The following PTPRD variants were observed in gnomAD, a reference collection of about 807,000 sequenced individuals.
The protein encoded by PTPRD is protein tyrosine phosphatase receptor type D.
In PTPRD, 34 loss-of-function variants were observed where a neutral mutation model predicts 214.5. The observed-to-expected ratio is 0.16, with a 90% CI of 0.12 to 0.21. PTPRD has a LOEUF of 0.21. PTPRD is among the 10% of genes least tolerant of loss of function. The probability of loss-of-function intolerance (pLI) is 1.00; values close to 1 mark genes in which losing one functional copy is unlikely to be tolerated. For synonymous variants in PTPRD, 1,128 were observed against 845.7 expected (o/e 1.33, Z -5.79); for missense variants, 2,545 against 2,398.7 (o/e 1.06, Z -1.27).
intron 9 of PTPRD, among the ~76,000 whole-genome samples, chr9:9,273,203 T>G (rs747460579): frequency 1.3e-5 from 2 of 151,432 alleles, no homozygotes; most frequent in Non-Finnish European, 3.0e-5. Context: ...GATTTCCAAG[T>G]TGCTAGTAAA....
Position 9,185,715 on chromosome 9 carries a change from G to A in PTPRD, c.-202-2352C>T, listed in dbSNP as rs1042723447. ...GATGATTGCTGAATGGCACCTTCAG[G>A]CTAGATTTTATGGTTGCTTTAATAA... On this transcript the variant is annotated intron_variant, in intron 9 of 45. Coordinates refer to ENST00000381196, the MANE Select transcript of PTPRD (RefSeq NM_002839.4). Among the ~76,000 whole-genome samples, 3 of 151,946 alleles carry A rather than the reference G, an allele frequency of 2.0e-5. No individual in the cohort carries two copies. In the South Asian group the frequency reaches 6.2e-4, roughly 31 times the overall value.
chr9:9,514,060 C>A (rs1367467938), intron 8 of PTPRD, among the ~76,000 whole-genome samples: 1 of 151,970 alleles, frequency 6.6e-6, no homozygotes, highest in Non-Finnish European at 1.5e-5. Flanking sequence ...TGCTAAGTAC[C>A]CCAAAGCAAA....
chr9:8,911,351 G>C (rs770630327), intron 11 of PTPRD, among the ~76,000 whole-genome samples: 9 of 151,808 alleles, frequency 5.9e-5, no homozygotes, highest in Non-Finnish European at 1.2e-4. Context: ...GGAAAAGATG[G>C]TCCTTTCAAT....
intron 5 of PTPRD, among the ~76,000 whole-genome samples, chr9:9,869,425 C>T (rs547783110): frequency 6.6e-6 from 1 of 151,882 alleles, no homozygotes; most frequent in Non-Finnish European, 1.5e-5. Context: ...AGGTTGACAC[C>T]AGCTGAATTC....
rs972456734 is a variant in PTPRD at position 10,507,676 on chromosome 9, G to C, written c.-600+104722C>G. On this transcript the variant is annotated intron_variant, in intron 2 of 45. Coordinates refer to ENST00000381196, the MANE Select transcript of PTPRD (RefSeq NM_002839.4). ...TACAACCATCTAATCTTTGACAAACGTGACAAAAACAAGAAATGGGGAAAG... is the reference window on the plus strand; with the variant it reads ...TACAACCATCTAATCTTTGACAAACCTGACAAAAACAAGAAATGGGGAAAG... Among the ~76,000 whole-genome samples, 2 of 152,012 alleles carry C rather than the reference G, an allele frequency of 1.3e-5. 1 individual carries two copies. Among genetic ancestry groups the C allele is most frequent in the South Asian group, 4.2e-4 (2 of 4,798 alleles).
intron 8 of PTPRD, among the ~76,000 whole-genome samples, chr9:9,441,611 G>A (rs1206007863): frequency 6.6e-6 from 1 of 152,030 alleles, no homozygotes; most frequent in Non-Finnish European, 1.5e-5. Flanking sequence ...CCCTTTCCAT[G>A]GAGACATATC....
At chr9:9,293,770 TC>T (rs1952033613) in intron 9 of PTPRD, among the ~76,000 whole-genome samples, 1 of 151,660 alleles carries the variant, frequency 6.6e-6, no homozygotes, top group Non-Finnish European at 1.5e-5. Flanking sequence ...TAATGCCTTT[TC>T]CATCTTAACT....
chr9:9,073,753 T>A (rs546679974), intron 10 of PTPRD, among the ~76,000 whole-genome samples: 1 of 152,186 alleles, frequency 6.6e-6, no homozygotes, highest in Non-Finnish European at 1.5e-5. Context: ...TCTGTATATA[T>A]GTATATCCTA....
At chr9:8,678,472 A>G (rs1003452677) in intron 12 of PTPRD, among the ~76,000 whole-genome samples, 5 of 152,156 alleles carry the variant, frequency 3.3e-5, no homozygotes, top group Non-Finnish European at 7.3e-5. Context: ...TTCTTGATTC[A>G]GTCTTCTCTC....
chr9:9,663,407 T>C (rs1178738300), intron 7 of PTPRD, among the ~76,000 whole-genome samples: 1 of 151,532 alleles, frequency 6.6e-6, no homozygotes, highest in Non-Finnish European at 1.5e-5. Context: ...TTTTAAAAAG[T>C]GACTACAGTA....
chr9:9,032,638 A>G (rs746664493), intron 10 of PTPRD, among the ~76,000 whole-genome samples: 12 of 152,036 alleles, frequency 7.9e-5, no homozygotes, highest in Non-Finnish European at 1.3e-4. Flanking sequence ...ATATGATTAA[A>G]AGGATGTGAC....
chr9:10,244,900 G>A (rs897051606), intron 3 of PTPRD, among the ~76,000 whole-genome samples: 1 of 152,060 alleles, frequency 6.6e-6, no homozygotes, highest in Non-Finnish European at 1.5e-5. Flanking sequence ...CTCCAGACAT[G>A]AGTCTACTTG....
intron 11 of PTPRD, among the ~76,000 whole-genome samples, chr9:8,897,189 T>C (rs2098624327): frequency 6.6e-6 from 1 of 152,188 alleles, no homozygotes; most frequent in African/African-American, 2.4e-5. Context: ...ATTAAATGCC[T>C]GTGGGTTCCC....
At chr9:9,600,740 C>T (rs1015519368) in intron 7 of PTPRD, among the ~76,000 whole-genome samples, 1 of 152,052 alleles carries the variant, frequency 6.6e-6, no homozygotes, top group Non-Finnish European at 1.5e-5. Flanking sequence ...ATAACAGAAC[C>T]GTCCATCCTT....
chr9:9,370,732 G>A (rs1392540192), intron 9 of PTPRD, among the ~76,000 whole-genome samples: 1 of 152,110 alleles, frequency 6.6e-6, no homozygotes, highest in African/African-American at 2.4e-5. Flanking sequence ...CATTCAGTAT[G>A]ATATTGGCGG....
chr9:8,640,223 C>G (rs776369554), intron 12 of PTPRD, among the ~76,000 whole-genome samples: 8 of 152,120 alleles, frequency 5.3e-5, no homozygotes, highest in African/African-American at 1.9e-4. Context: ...GCCATCACGA[C>G]ACGCAGAGAA....
intron 3 of PTPRD, among the ~76,000 whole-genome samples, chr9:10,297,926 G>A (rs2095733360): frequency 6.6e-6 from 1 of 152,006 alleles, no homozygotes; most frequent in Non-Finnish European, 1.5e-5. Context: ...TGCTACTATG[G>A]TGGCTATTTC....
intron 8 of PTPRD, among the ~76,000 whole-genome samples, chr9:9,512,969 T>A (rs972831666): frequency 1.3e-5 from 2 of 151,728 alleles, no homozygotes; most frequent in African/African-American, 2.4e-5. Flanking sequence ...ATTTAGGAAA[T>A]AAATTCATTT....
chr9:9,428,330 G>A (rs1209003346), intron 8 of PTPRD, among the ~76,000 whole-genome samples: 1 of 152,064 alleles, frequency 6.6e-6, no homozygotes, highest in Admixed American at 6.6e-5. Context: ...ATTACATAAT[G>A]GTAAAGGGAT....
Sources: gnomAD v4.1 joint callset for allele counts (sites outside exome capture counted in the v4.1 genomes callset) on GRCh38, gnomAD v4.1.1 for gene constraint, MANE v1.5 for transcripts, NCBI Gene and HGNC (gene_info 2026-07-23, HGNC 2026-07-21) for gene names.